RAB42: variants seen among roughly 807,000 people sequenced by gnomAD.
RAB42 encodes RAB42, member RAS oncogene family.
Under a neutral mutation model 7.5 loss-of-function variants are expected in RAB42, and 4 were observed. That is an observed-to-expected ratio of 0.53 (90% CI 0.26 to 1.22). RAB42 has a LOEUF of 1.22. RAB42 is among the 50% of genes most tolerant of loss of function. The pLI is 0.13. For missense variants in RAB42, 208 were observed against 281.2 expected, an observed-to-expected ratio of 0.74 and a Z score of 1.86; for synonymous variants, 82 against 129.0, an observed-to-expected ratio of 0.64 and a Z score of 2.47.
In RAB42 at chr1:28,594,436, G is replaced by A. The variant is rs558795427; in HGVS notation, c.*319G>A. The A allele has an allele frequency of 4.6e-4, 112 of 243,948 alleles. No individual in the cohort carries two copies. The highest frequency in any genetic ancestry group is 2.1e-3 in the African/African-American group (93 of 44,164). The allele number at this position is 243,948 out of a possible 1,614,324, so 15.1% of individuals were successfully genotyped here. ...CTAAAAATACAAAAATTAGCCAGGCGTGGTGGTGCATGCCTGTAATCCCAG... is the reference window on the plus strand; with the variant it reads ...CTAAAAATACAAAAATTAGCCAGGCATGGTGGTGCATGCCTGTAATCCCAG... On this transcript the variant is annotated 3_prime_UTR_variant, in exon 2 of 2. Coordinates refer to ENST00000465518, the MANE Select transcript of RAB42 (RefSeq NM_001193532.3).
At position 28,592,429 on chromosome 1, in the gene RAB42, G is replaced by T; in HGVS notation, c.-83G>T. 2 of 607,846 alleles carry T rather than the reference G, an allele frequency of 3.3e-6. No individual in the cohort carries two copies. The highest frequency in any genetic ancestry group is 6.5e-4 in the Middle Eastern group (1 of 1,534). The allele number at this position is 607,846 out of a possible 1,614,324, so 37.7% of individuals were successfully genotyped here. On this transcript the variant is annotated 5_prime_UTR_variant, in exon 1 of 2. Coordinates refer to ENST00000465518, the MANE Select transcript of RAB42 (RefSeq NM_001193532.3). The surrounding 1 kb of genome is among the most constrained non-coding windows in gnomAD (Gnocchi z 4.1). ...GGTGGCTGGGCGCGGGGAGCGGGGGGCGGCGCCGGCGGGGCCCCGGGCAGG... is the reference window on the plus strand; with the variant it reads ...GGTGGCTGGGCGCGGGGAGCGGGGGTCGGCGCCGGCGGGGCCCCGGGCAGG...
chr1:28,592,902 G>A lies in RAB42; in HGVS notation c.233+158G>A, dbSNP rs1376298059. 1.3e-5 allele frequency among the ~76,000 whole-genome samples: 2 copies of A among 152,118 alleles called. No homozygotes were observed. Among genetic ancestry groups the A allele is most frequent in the African/African-American group, 4.8e-5 (2 of 41,426 alleles). ...GTCCACTGGGGCCAGAACCTCCCCTGCTCGGAGTCATTTTTCCCACGAACA... is the reference window on the plus strand; with the variant it reads ...GTCCACTGGGGCCAGAACCTCCCCTACTCGGAGTCATTTTTCCCACGAACA... On this transcript the variant is annotated intron_variant, in intron 1 of 1. Transcript: ENST00000465518. This position sits in a 1 kb window ranked among gnomAD's most constrained non-coding sequence, Gnocchi z 4.1.
At chr1:28,593,229 A>T (rs1180118410) in intron 1 of RAB42, among the ~76,000 whole-genome samples, 1 of 150,590 alleles carries the variant, frequency 6.6e-6, no homozygotes, top group Non-Finnish European at 1.5e-5. Flanking sequence ...TTTGAGACGG[A>T]GTCTCTCTCT....
downstream of RAB42, among the ~76,000 whole-genome samples, chr1:28,596,628 CAAAT>C (rs759213114): frequency 3.9e-5 from 6 of 152,060 alleles, no homozygotes; most frequent in African/African-American, 7.2e-5. Context: ...TCTCAAAAAA[CAAAT>C]AAATAAAAAT....
In RAB42 at chr1:28,592,707, C is replaced by CTGCA; in HGVS notation, c.197_200dup (p.Gln67HisfsTer31). ...GCTGCGGGCCGGGCCGCGGGTCAAGCTGCAACTCTGGGACACCGCGGGCCA... is the reference window on the plus strand; with the variant it reads ...GCTGCGGGCCGGGCCGCGGGTCAAGCTGCATGCAACTCTGGGACACCGCGGGCCA... On this transcript the variant is annotated frameshift_variant, in exon 1 of 2. Coordinates refer to ENST00000465518, the MANE Select transcript of RAB42 (RefSeq NM_001193532.3). LOFTEE classifies it low-confidence loss of function (END_TRUNC). This position sits in a 1 kb window ranked among gnomAD's most constrained non-coding sequence, Gnocchi z 4.1. 1 of 1,230,064 alleles carries CTGCA rather than the reference C, an allele frequency of 8.1e-7. No individual in the cohort carries two copies. The allele number at this position is 1,230,064 out of a possible 1,614,324, so 76.2% of individuals were successfully genotyped here.
Position 28,592,607 on chromosome 1 carries a change from C to T in RAB42, c.96C>T (p.Gly32=). The T allele has an allele frequency of 8.2e-7, 1 of 1,220,866 alleles. No homozygotes were observed. Among genetic ancestry groups the T allele is most frequent in the Non-Finnish European group, 1.0e-6 (1 of 980,884 alleles). The allele number at this position is 1,220,866 out of a possible 1,614,324, so 75.6% of individuals were successfully genotyped here. A position where few individuals can be genotyped will look rare whatever the true frequency, so the allele number is the denominator to read the frequency against. The stretch of plus-strand genomic sequence containing the variant: ...CGCTGCTGCGGAGCTACGTGGCAGG[C>T]GCGCCTGGCGCCCCGGAGCCGGAGC... ...KTSLLRSYVA[G]APGAPEPEPE... Residue 32 remains glycine, a synonymous_variant, in exon 1 of 2, where the codon GGC becomes GGT. Coordinates refer to ENST00000465518, the MANE Select transcript of RAB42 (RefSeq NM_001193532.3). This position sits in a 1 kb window ranked among gnomAD's most constrained non-coding sequence, Gnocchi z 4.1.
chr1:28,592,696 C>T lies in RAB42; in HGVS notation c.185C>T (p.Pro62Leu), dbSNP rs957821467. 1.6e-6 allele frequency: 2 copies of T among 1,229,790 alleles called. No homozygotes were observed. Among genetic ancestry groups the T allele is most frequent in the African/African-American group, 1.6e-5 (1 of 64,248 alleles). 76.2% of individuals were successfully genotyped at this position (1,229,790 alleles called of 1,614,324 possible). A position where few individuals can be genotyped will look rare whatever the true frequency, so the allele number is the denominator to read the frequency against. Reference sequence around the variant, plus strand: ...CGCGCGCTGCAGCTGCGGGCCGGGCCGCGGGTCAAGCTGCAACTCTGGGAC... The same window carrying T: ...CGCGCGCTGCAGCTGCGGGCCGGGCTGCGGGTCAAGCTGCAACTCTGGGAC... ...YRRALQLRAG[P>L]RVKLQLWDTA... is the part of the protein sequence containing the mutation. The change falls in exon 1 of 2, where the codon CCG becomes CTG. Residue 62 changes from proline to leucine, a missense_variant. Coordinates refer to ENST00000465518, the MANE Select transcript of RAB42 (RefSeq NM_001193532.3). The surrounding 1 kb of genome is among the most constrained non-coding windows in gnomAD (Gnocchi z 4.1).
chr1:28,595,734 C>T (rs186414236), downstream of RAB42, among the ~76,000 whole-genome samples: 5 of 152,168 alleles, frequency 3.3e-5, no homozygotes. Context: ...CGGCGAAACC[C>T]TGTCTATACT....
chr1:28,593,649 C>T, intron 1 of RAB42, 45 bp from the exon 2 acceptor site: 1 of 1,495,720 alleles, frequency 6.7e-7, no homozygotes, highest in Non-Finnish European at 8.9e-7. Context: ...GTCATGGAGG[C>T]ATCAGCCTCT....
At chr1:28,595,461 G>C (rs1666418043), downstream of RAB42, 1 of 166,770 alleles carries the variant, frequency 6.0e-6, no homozygotes. Flanking sequence ...CTCAGAATCT[G>C]CCTCCTGGTA....
At position 28,592,421 on chromosome 1, in the gene RAB42, A is replaced by G. The variant is rs1666330938; in HGVS notation, c.-91A>G. 1 of 515,720 alleles carries G rather than the reference A, an allele frequency of 1.9e-6. No homozygotes were observed. Among genetic ancestry groups the G allele is most frequent in the Non-Finnish European group, 2.6e-6 (1 of 378,296 alleles). 31.9% of individuals were successfully genotyped at this position (515,720 alleles called of 1,614,324 possible). ...CCGGGTACGGTGGCTGGGCGCGGGG[A>G]GCGGGGGGCGGCGCCGGCGGGGCCC... On this transcript the variant is annotated 5_prime_UTR_variant, in exon 1 of 2. Coordinates refer to ENST00000465518, the MANE Select transcript of RAB42 (RefSeq NM_001193532.3). The surrounding 1 kb of genome is among the most constrained non-coding windows in gnomAD (Gnocchi z 4.1).
intron 1 of RAB42, 134 bp from the exon 2 acceptor site, chr1:28,593,559 CG>C (rs1281352567): frequency 7.0e-6 from 7 of 1,006,814 alleles, no homozygotes; most frequent in Non-Finnish European, 9.9e-6. Context: ...CAGAGAACCA[CG>C]GGGCCGTGTG....
chr1:28,595,819 T>C (rs957016403), downstream of RAB42, among the ~76,000 whole-genome samples: 6 of 152,028 alleles, frequency 3.9e-5, no homozygotes, highest in South Asian at 2.1e-4. Flanking sequence ...AGCATGAGAA[T>C]TGCTTGAGCC....
Position 28,594,237 on chromosome 1 carries a change from A to G in RAB42, c.*120A>G. On this transcript the variant is annotated 3_prime_UTR_variant, in exon 2 of 2. Transcript: ENST00000465518. Reference sequence around the variant, plus strand: ...GTTCATATAAACAGTATCCTGACACAGTCATGCTTCCTGGATTTTGGAGTC... The same window carrying G: ...GTTCATATAAACAGTATCCTGACACGGTCATGCTTCCTGGATTTTGGAGTC... 1 of 1,020,720 alleles carries G rather than the reference A, an allele frequency of 9.8e-7. No individual in the cohort carries two copies. The highest frequency in any genetic ancestry group is 1.4e-6 in the Non-Finnish European group (1 of 717,428). The allele number at this position is 1,020,720 out of a possible 1,614,324, so 63.2% of individuals were successfully genotyped here. A position where few individuals can be genotyped will look rare whatever the true frequency, so the allele number is the denominator to read the frequency against.
Position 28,594,022 on chromosome 1 carries a change from C to G in RAB42, c.562C>G (p.Leu188Val). The change falls in exon 2 of 2, where the codon CTA (leucine) becomes GTA (valine). Residue 188 changes from leucine to valine, a missense_variant. Coordinates refer to ENST00000465518, the MANE Select transcript of RAB42 (RefSeq NM_001193532.3). ...GGCCCTGCAGCAGGGGGACATCAAG[C>G]TAGAAGAGGGCTGGGGGGGTGTCCG... is the stretch of plus-strand genomic sequence containing the variant. ...QQALQQGDIKLEEGWGGVRLI... is the reference protein window; with the variant it reads ...QQALQQGDIKVEEGWGGVRLI... 6.2e-7 allele frequency: 1 copy of G among 1,613,936 alleles called. No individual in the cohort carries two copies. Among genetic ancestry groups the G allele is most frequent in the Non-Finnish European group, 8.5e-7 (1 of 1,179,854 alleles).
At chr1:28,593,556 C>A (rs1666366854) in intron 1 of RAB42, 138 bp from the exon 2 acceptor site, 2 of 997,954 alleles carry the variant, frequency 2.0e-6, no homozygotes, top group Admixed American at 2.9e-5. Context: ...AGGCAGAGAA[C>A]CACGGGGCCG....
rs1328051238 is a variant in RAB42, at chr1:28,595,109, C to G, written c.*992C>G. On this transcript the variant is annotated 3_prime_UTR_variant, in exon 2 of 2. Transcript: ENST00000465518. ...CACTGTGATGAGCCACCAAGATCCC[C>G]CTTTCTGGCTGGGGAACCCATCAAC... is the stretch of plus-strand genomic sequence containing the variant. 6.0e-6 allele frequency: 1 copy of G among 167,076 alleles called. No individual in the cohort carries two copies. The highest frequency in any genetic ancestry group is 6.5e-5 in the Admixed American group (1 of 15,274). The allele number at this position is 167,076 out of a possible 1,614,324, so 10.3% of individuals were successfully genotyped here.
At chr1:28,596,365 T>TA (rs1666433465), downstream of RAB42, among the ~76,000 whole-genome samples, 1 of 152,242 alleles carries the variant, frequency 6.6e-6, no homozygotes, top group Non-Finnish European at 1.5e-5. Flanking sequence ...CTCACGCCTG[T>TA]AATCCCAGCA....
chr1:28,593,980 G>T lies in RAB42; in HGVS notation c.520G>T (p.Ala174Ser), dbSNP rs765050696. 6.2e-7 allele frequency: 1 copy of T among 1,613,790 alleles called. No homozygotes were observed. The highest frequency in any genetic ancestry group is 8.5e-7 in the Non-Finnish European group (1 of 1,179,878). ...TGTGGACCTGGCCTTTGACACCCTC[G>T]CTGATGCTATCCAGCAGGCCCTGCA... is the stretch of plus-strand genomic sequence containing the variant. ...CNVDLAFDTL[A>S]DAIQQALQQG... Residue 174 changes from alanine (A) to serine (S), a missense_variant, in exon 2 of 2, where the codon GCT becomes TCT. Coordinates refer to ENST00000465518, the MANE Select transcript of RAB42 (RefSeq NM_001193532.3).
Sources: allele counts gnomAD v4.1 joint callset (sites outside exome capture counted in the v4.1 genomes callset), GRCh38; gene constraint gnomAD v4.1.1; non-coding constraint Gnocchi (gnomAD v3.1); transcripts MANE v1.5; gene names NCBI Gene and HGNC (gene_info 2026-07-23, HGNC 2026-07-21).